Variants in ITGA7 observed in about 807,000 individuals in gnomAD.
The protein encoded by ITGA7 is integrin subunit alpha 7, also known as integrin alpha-7.
Under a neutral mutation model 131.6 loss-of-function variants are expected in ITGA7, and 84 were observed. That is an observed-to-expected ratio of 0.64 (90% confidence interval 0.54 to 0.77). The LOEUF (loss-of-function observed/expected upper bound fraction) is 0.77. Among genes scored for constraint, ITGA7 ranks in the 30% least tolerant of loss-of-function variants. The probability of loss-of-function intolerance (pLI) is 0.00; values close to 1 mark genes in which losing one functional copy is unlikely to be tolerated. For missense variants in ITGA7, 1,399 were observed against 1,482.9 expected, an observed-to-expected ratio of 0.94 and a Z score of 0.93; for synonymous variants, 548 against 600.7, an observed-to-expected ratio of 0.91 and a Z score of 1.28.
chr12:55,710,224 G>A (rs978743401), upstream of ITGA7, among the ~76,000 whole-genome samples: 4 of 152,122 alleles, frequency 2.6e-5, no homozygotes, highest in Non-Finnish European at 4.4e-5. Flanking sequence ...AGCCGGGTGT[G>A]GTGGCGGGTA....
chr12:55,685,303 G>T lies in ITGA7; in HGVS notation c.3184-15C>A. On this transcript the variant is annotated splice_polypyrimidine_tract_variant and intron_variant, in intron 24 of 24. Coordinates refer to ENST00000257879, the MANE Select transcript of ITGA7 (RefSeq NM_002206.3). ...AAGAATCCCATCTATAAGGACACCA[G>T]GCCAGACCATGAGGAGCCTGAAGAG... 1 of 1,612,352 alleles carries T rather than the reference G, an allele frequency of 6.2e-7. No homozygotes were observed. Among genetic ancestry groups the T allele is most frequent in the South Asian group, 1.1e-5 (1 of 91,050 alleles).
At chr12:55,711,928 C>A (rs1182081850), upstream of ITGA7, 8 of 724,554 alleles carry the variant, frequency 1.1e-5, no homozygotes, top group Admixed American at 2.3e-5. Context: ...TACAAGCAAA[C>A]ACTTCCAGAA....
chr12:55,708,151 G>A (rs1373992510), upstream of ITGA7: 2 of 572,492 alleles, frequency 3.5e-6, no homozygotes, highest in Non-Finnish European at 4.4e-6. Context: ...CCCGGGAGTG[G>A]TGGAGGCGGC....
At chr12:55,693,806 G>A (rs917934280) in intron 19 of ITGA7, among the ~76,000 whole-genome samples, 8 of 152,072 alleles carry the variant, frequency 5.3e-5, no homozygotes, top group African/African-American at 1.7e-4. Context: ...TACCACACCA[G>A]CAGGTGAGAC....
chr12:55,709,932 G>T (rs1436373932), upstream of ITGA7, among the ~76,000 whole-genome samples: 1 of 152,180 alleles, frequency 6.6e-6, no homozygotes, highest in Admixed American at 6.5e-5. Flanking sequence ...AAATAGAGGG[G>T]CAAAGGAGGG....
rs34640494 is a variant in ITGA7, at chr12:55,687,487, CTTTTT to C, written c.3183+479_3183+483del. ...TACAGGCATGAGCCACCATGCCCGG[CTTTTT>C]TTTTTTTTTTTTTTTTTGAGATGGA... On this transcript the variant is annotated intron_variant, in intron 24 of 24. Transcript: ENST00000257879. Among the ~76,000 whole-genome samples, 176 of 59,640 alleles carry C rather than the reference CTTTTT, an allele frequency of 3.0e-3. 3 individuals are homozygous for C. Among genetic ancestry groups the C allele is most frequent in the East Asian group, 0.017 (24 of 1,402 alleles). 39.1% of individuals were successfully genotyped at this position (59,640 alleles called of 152,430 possible).
At chr12:55,696,781 C>T (rs1369949311) in intron 12 of ITGA7, 118 bp downstream of exon 12, 33 of 1,154,776 alleles carry the variant, frequency 2.9e-5, no homozygotes, top group South Asian at 6.4e-5. Context: ...AGGTTTCCCA[C>T]GTGTCTAGGT....
In ITGA7 at chr12:55,688,228, A is replaced by G. The variant is rs17117879; in HGVS notation, c.3031T>C (p.Leu1011=). Reference sequence around the variant, plus strand: ...ACTGTGGAGGCATCTCGGAGCATCAAGTTCTTTATGGAGGACTTCACTGTG... The same window carrying G: ...ACTGTGGAGGCATCTCGGAGCATCAGGTTCTTTATGGAGGACTTCACTGTG... The part of the protein sequence containing the change: ...NITVKSSIKN[L]MLRDASTVIP... Residue 1011 remains leucine (L), a synonymous_variant, in exon 23 of 25, where the codon TTG becomes CTG. Transcript: ENST00000257879. 2.5e-3 allele frequency: 4,107 copies of G among 1,614,116 alleles called. 90 individuals carry two copies. In the African/African-American group the frequency reaches 0.046, roughly 18 times the overall value.
chr12:55,686,995 C>A (rs1870300650), intron 24 of ITGA7, among the ~76,000 whole-genome samples: 1 of 152,008 alleles, frequency 6.6e-6, no homozygotes, highest in Non-Finnish European at 1.5e-5. Flanking sequence ...ACCCTACTAC[C>A]CCACCTTCCT....
intron 14 of ITGA7, 77 bp from the exon 15 acceptor site, chr12:55,695,047 G>T: frequency 7.0e-7 from 1 of 1,418,520 alleles, no homozygotes; most frequent in Non-Finnish European, 9.7e-7. Flanking sequence ...TGCTCCCCCA[G>T]TACCTGCCTT....
Position 55,696,377 on chromosome 12 carries a change from T to G in ITGA7, c.1793A>C (p.Gln598Pro), listed in dbSNP as rs145147670. 2.5e-6 allele frequency: 4 copies of G among 1,597,762 alleles called. No individual in the cohort carries two copies. The African/African-American group carries it at 4.0e-5, about 16-fold the overall frequency. The change falls in exon 13 of 25, where the codon CAG (glutamine) becomes CCG (proline). Residue 598 changes from glutamine (Q) to proline (P), a missense_variant. Transcript: ENST00000257879. ...AIVVTLSYSL[Q>P]TPRLRRQAPG... ...AGCCTGTCGCCGGAGCCGAGGGGTC[T>G]GGAGACTGTAGGACAAGGTCACTAC...
At chr12:55,711,843 ATCT>A (rs925886782), upstream of ITGA7, among the ~76,000 whole-genome samples, 4 of 152,188 alleles carry the variant, frequency 2.6e-5, no homozygotes, top group South Asian at 8.3e-4. Context: ...CCTTTTCAAC[ATCT>A]TCTTCCCCAC....
At chr12:55,685,423 T>G (rs895108690) in intron 24 of ITGA7, 135 bp from the exon 25 acceptor site, 2 of 818,024 alleles carry the variant, frequency 2.4e-6, no homozygotes. Flanking sequence ...TAGCATCTGG[T>G]GTGGTGGGCA....
Position 55,693,228 on chromosome 12 carries a change from C to T in ITGA7, c.2625G>A (p.Leu875=), listed in dbSNP as rs370716816. The change falls in exon 20 of 25, where the codon TTG becomes TTA. Residue 875 remains leucine (L), a synonymous_variant. Coordinates refer to ENST00000257879, the MANE Select transcript of ITGA7 (RefSeq NM_002206.3). ...CCAGCTCAACCTGCATTGGGTACAG[C>T]AACCACTTCCCATTGGCAATCTCAT... is the stretch of plus-strand genomic sequence containing the variant. ...WPHEIANGKW[L]LYPMQVELEG... is the part of the protein sequence containing the mutation. The T allele has an allele frequency of 1.3e-4, 210 of 1,614,008 alleles. No homozygotes were observed. Among genetic ancestry groups the T allele is most frequent in the Non-Finnish European group, 1.8e-4 (208 of 1,180,016 alleles).
At chr12:55,712,770 T>C (rs557432515), upstream of ITGA7, among the ~76,000 whole-genome samples, 88 of 151,950 alleles carry the variant, frequency 5.8e-4, no homozygotes, top group South Asian at 0.018. Context: ...AAAGAACAGA[T>C]GGAGGATAAC....
intron 21 of ITGA7, among the ~76,000 whole-genome samples, chr12:55,691,542 A>G (rs1431253800): frequency 6.6e-6 from 1 of 152,240 alleles, no homozygotes; most frequent in Non-Finnish European, 1.5e-5. Context: ...CAATATAGCC[A>G]TTCCACAGTA....
chr12:55,708,694 G>A (rs535239206), upstream of ITGA7, among the ~76,000 whole-genome samples: 25 of 152,208 alleles, frequency 1.6e-4, no homozygotes, highest in Non-Finnish European at 3.4e-4. Context: ...GTCAAAGAAG[G>A]CAAAGATGAA....
intron 19 of ITGA7, 111 bp from the exon 20 acceptor site, chr12:55,693,428 G>T: frequency 1.0e-6 from 1 of 971,266 alleles, no homozygotes; most frequent in Non-Finnish European, 1.5e-6. Flanking sequence ...TCTAACTCCT[G>T]GGCTCAAGTG....
chr12:55,713,953 C>CGGCATA (rs1445910063), upstream of ITGA7, among the ~76,000 whole-genome samples: 1 of 152,198 alleles, frequency 6.6e-6, no homozygotes, highest in Non-Finnish European at 1.5e-5. Context: ...AATATAATGA[C>CGGCATA]GTCAACTTCA....
Sources: allele counts gnomAD v4.1 joint callset (sites outside exome capture counted in the v4.1 genomes callset), GRCh38; gene constraint gnomAD v4.1.1; transcripts MANE v1.5; gene names NCBI Gene and HGNC (gene_info 2026-07-23, HGNC 2026-07-21).